TNRC6B: variants seen among roughly 807,000 people sequenced by gnomAD.
The protein encoded by TNRC6B is trinucleotide repeat containing adaptor 6B.
Under a neutral mutation model 203.6 loss-of-function variants are expected in TNRC6B, and 52 were observed. The ratio of observed to expected loss-of-function variants is 0.26; its 90% CI spans 0.20 to 0.32. TNRC6B has a LOEUF of 0.32. Ranked by LOEUF, TNRC6B falls within the 10% of genes least tolerant of loss-of-function variation. TNRC6B has a pLI of 1.00. For synonymous variants in TNRC6B, 838 were observed against 845.7 expected (o/e 0.99, Z 0.16); for missense variants, 1,923 against 2,286.2 (o/e 0.84, Z 3.24).
intron 1 of TNRC6B, among the ~76,000 whole-genome samples, chr22:40,067,896 A>C (rs1471325865): frequency 6.6e-6 from 1 of 152,168 alleles, no homozygotes; most frequent in Non-Finnish European, 1.5e-5. Context: ...CCAGCCATCT[A>C]GGGATCTCTC....
Position 40,323,664 on chromosome 22 carries a change from G to GGA in TNRC6B, c.*424_*425insAG, listed in dbSNP as rs1248324182. On this transcript the variant is annotated 3_prime_UTR_variant, in exon 23 of 23. Transcript: ENST00000454349. ...TAGCTTTTTAACTTTGTTTGCACTG[G>GGA]GTGTGTTTCCGTCCTTAGGTCTACC... The GGA allele has an allele frequency of 6.8e-6, 1 of 147,390 alleles. No homozygotes were observed. Among genetic ancestry groups the GGA allele is most frequent in the Non-Finnish European group, 1.5e-5 (1 of 67,628 alleles). 9.1% of individuals were successfully genotyped at this position (147,390 alleles called of 1,614,324 possible).
intron 1 of TNRC6B, among the ~76,000 whole-genome samples, chr22:40,237,467 A>T (rs2146458477): frequency 6.6e-6 from 1 of 152,274 alleles, no homozygotes; most frequent in Admixed American, 6.5e-5. Context: ...GCACTGAAAT[A>T]CTGAGGGAAC....
chr22:40,228,842 G>A (rs1365685312), intron 1 of TNRC6B, among the ~76,000 whole-genome samples: 1 of 151,974 alleles, frequency 6.6e-6, no homozygotes, highest in African/African-American at 2.4e-5. Context: ...CTGTTTCTTA[G>A]CCTGTTTGGA....
intron 12 of TNRC6B, among the ~76,000 whole-genome samples, chr22:40,287,433 A>G (rs1039884100): frequency 7.9e-5 from 12 of 152,154 alleles, no homozygotes; most frequent in African/African-American, 2.4e-4. Context: ...GGGGGAGGTC[A>G]GGTTTCTCCA....
chr22:40,185,648 G>A (rs762254493), intron 1 of TNRC6B, among the ~76,000 whole-genome samples: 29 of 152,164 alleles, frequency 1.9e-4, no homozygotes, highest in Non-Finnish European at 3.7e-4. Context: ...GGTTGCACAC[G>A]TGTACAGGAG....
upstream of TNRC6B, among the ~76,000 whole-genome samples, chr22:40,173,714 G>A (rs6001824): frequency 3.6e-5 from 5 of 139,070 alleles, no homozygotes; most frequent in African/African-American, 1.4e-4. Context: ...ACCATGGCCA[G>A]CCTTGCTTTT....
At chr22:40,317,841 C>G (rs1345968973) in intron 21 of TNRC6B, among the ~76,000 whole-genome samples, 1 of 152,170 alleles carries the variant, frequency 6.6e-6, no homozygotes, top group Admixed American at 6.5e-5. Flanking sequence ...TTTACAACAC[C>G]TTGTTAAAAG....
rs2069279425 is a variant in TNRC6B, at chr22:40,191,909, C to A, written c.5+13769C>A. Reference sequence around the variant, plus strand: ...GGGATTACAGGCATGCACCACCATGCCCAGCTAATTTTTGTATTTTTAGTA... The same window carrying A: ...GGGATTACAGGCATGCACCACCATGACCAGCTAATTTTTGTATTTTTAGTA... On this transcript the variant is annotated intron_variant, in intron 1 of 22. Transcript: ENST00000454349. Among the ~76,000 whole-genome samples, 7 of 152,204 alleles carry A rather than the reference C, an allele frequency of 4.6e-5. No individual in the cohort carries two copies. The South Asian group carries it at 1.2e-3, about 27-fold the overall frequency.
chr22:40,112,692 T>G (rs951152281), intron 1 of TNRC6B, among the ~76,000 whole-genome samples: 1 of 152,180 alleles, frequency 6.6e-6, no homozygotes, highest in Non-Finnish European at 1.5e-5. Context: ...AGAGAAAGAT[T>G]AAAGGAAGAA....
intron 1 of TNRC6B, among the ~76,000 whole-genome samples, chr22:40,239,676 T>C (rs1257374724): frequency 3.3e-5 from 5 of 152,142 alleles, no homozygotes; most frequent in African/African-American, 7.2e-5. Flanking sequence ...AGCTTTCCCT[T>C]TGCATGGTCT....
At chr22:40,130,880 C>G (rs1299723380) in intron 3 of TNRC6B, among the ~76,000 whole-genome samples, 1 of 151,178 alleles carries the variant, frequency 6.6e-6, no homozygotes, top group Non-Finnish European at 1.5e-5. Flanking sequence ...ATCAGGAGCC[C>G]TTATGGATGG....
intron 15 of TNRC6B, among the ~76,000 whole-genome samples, chr22:40,307,813 A>G (rs1291121116): frequency 6.6e-6 from 1 of 152,126 alleles, no homozygotes; most frequent in Non-Finnish European, 1.5e-5. Context: ...TCTCTTCCTA[A>G]AATACATACT....
At chr22:40,065,504 T>C (rs28837144) in intron 1 of TNRC6B, among the ~76,000 whole-genome samples, 33,086 of 152,110 alleles carry the variant, frequency 0.22, 3,874 homozygotes, top group South Asian at 0.31. Context: ...TATTCAGATT[T>C]TCTGTTTCTT....
intron 12 of TNRC6B, among the ~76,000 whole-genome samples, chr22:40,295,460 T>G (rs1601498972): frequency 2.3e-5 from 3 of 129,696 alleles, no homozygotes; most frequent in Non-Finnish European, 1.6e-5. Flanking sequence ...GGCAACAGAG[T>G]GAGACTCCAT....
intron 3 of TNRC6B, among the ~76,000 whole-genome samples, chr22:40,260,221 AAAGC>A (rs1253853856): frequency 1.3e-5 from 2 of 151,854 alleles, no homozygotes; most frequent in Admixed American, 6.6e-5. Flanking sequence ...TTTTTAAAGA[AAAGC>A]AAAAAGATTT....
At chr22:40,313,245 T>C (rs2071210879) in intron 19 of TNRC6B, among the ~76,000 whole-genome samples, 1 of 152,182 alleles carries the variant, frequency 6.6e-6, no homozygotes, top group South Asian at 2.1e-4. Flanking sequence ...AGCTGGCATA[T>C]CCAGAGGGCT....
chr22:40,061,962 T>C (rs547247940), intron 1 of TNRC6B, among the ~76,000 whole-genome samples: 2 of 152,014 alleles, frequency 1.3e-5, no homozygotes, highest in South Asian at 2.1e-4. Flanking sequence ...TAATCCAAGC[T>C]ACATGGGAGG....
chr22:40,204,697 T>A (rs2069457629), intron 1 of TNRC6B, among the ~76,000 whole-genome samples: 1 of 152,174 alleles, frequency 6.6e-6, no homozygotes, highest in Non-Finnish European at 1.5e-5. Context: ...TGAGAATAAT[T>A]GACTCTGGTA....
intron 3 of TNRC6B, chr22:40,253,705 G>C (rs994762169): frequency 2.2e-6 from 1 of 456,228 alleles, no homozygotes; most frequent in Non-Finnish European, 4.4e-6. Context: ...TTGTCCCTGG[G>C]GTATGTTAAG....
Sources: gnomAD v4.1 joint callset for allele counts (sites outside exome capture counted in the v4.1 genomes callset) on GRCh38, gnomAD v4.1.1 for gene constraint, MANE v1.5 for transcripts, NCBI Gene and HGNC (gene_info 2026-07-23, HGNC 2026-07-21) for gene names.